Variants in ALG14 observed in about 807,000 individuals in gnomAD.
ALG14 encodes the protein ALG14 UDP-N-acetylglucosaminyltransferase subunit, also known as UDP-N-acetylglucosamine transferase subunit ALG14.
In ALG14, 17 loss-of-function variants were observed where a neutral mutation model predicts 22.8. The observed-to-expected ratio is 0.75, with a 90% CI of 0.51 to 1.12. ALG14 has a LOEUF of 1.12. ALG14 is among the 50% of genes most tolerant of loss of function. The pLI, the probability that ALG14 is intolerant of heterozygous loss-of-function variation, is 0.00. For synonymous variants in ALG14, 89 were observed against 103.7 expected (o/e 0.86, Z 0.86); for missense variants, 288 against 271.8 (o/e 1.06, Z -0.42).
At chr1:95,029,868 C>A (rs1458322164) in intron 2 of ALG14, among the ~76,000 whole-genome samples, 1 of 152,166 alleles carries the variant, frequency 6.6e-6, no homozygotes, top group African/African-American at 2.4e-5. Context: ...TATGTATCCA[C>A]TATTTTTATT....
intron 1 of ALG14, among the ~76,000 whole-genome samples, chr1:95,068,186 T>C (rs1036624537): frequency 1.4e-4 from 21 of 152,220 alleles, no homozygotes; most frequent in African/African-American, 4.3e-4. Flanking sequence ...GGCTGTCCTA[T>C]TGAATGAAAG....
chr1:94,978,928 C>G lies in ALG14; in HGVS notation c.*4148G>C, dbSNP rs1196954271. ...GCCTTGGTTCAAATCTGAGCTTTGT[C>G]ACTTTCTAGTTCTATAATCTTTAAT... On this transcript the variant is annotated 3_prime_UTR_variant, in exon 4 of 4. Coordinates refer to ENST00000370205, the MANE Select transcript of ALG14 (RefSeq NM_144988.4). The G allele has an allele frequency of 6.6e-6, 1 of 150,528 alleles. No individual in the cohort carries two copies. Among genetic ancestry groups the G allele is most frequent in the Non-Finnish European group, 1.5e-5 (1 of 67,876 alleles). 9.3% of individuals were successfully genotyped at this position (150,528 alleles called of 1,614,324 possible). A position where few individuals can be genotyped will look rare whatever the true frequency, so the allele number is the denominator to read the frequency against.
At chr1:95,064,594 C>T (rs1325204103) in intron 2 of ALG14, among the ~76,000 whole-genome samples, 4 of 152,184 alleles carry the variant, frequency 2.6e-5, no homozygotes, top group African/African-American at 4.8e-5. Flanking sequence ...TATTGATTTG[C>T]GTATGTTGAA....
At position 95,064,949 on chromosome 1, in the gene ALG14, C is replaced by T; in HGVS notation, c.205G>A (p.Val69Ile). 6.2e-7 allele frequency: 1 copy of T among 1,613,938 alleles called. No individual in the cohort carries two copies. Among genetic ancestry groups the T allele is most frequent in the East Asian group, 2.2e-5 (1 of 44,878 alleles). ...CTCATTTCATCAGTGTCAGCAATGA[C>T]ATAATGTCTAGGTGAGTAGGCATTG... ...LSNAYSPRHY[V>I]IADTDEMSAN... The change falls in exon 2 of 4, where the codon GTC becomes ATC. Residue 69 changes from valine (V) to isoleucine (I), a missense_variant. Val to Ile is a conservative substitution (Grantham distance 29, BLOSUM62 3). Transcript: ENST00000370205.
rs1553222994 is a variant in ALG14, at chr1:94,979,310, A to AAAAAAAAAAAAAAAAAAAAAG, written c.*3765_*3766insCTTTTTTTTTTTTTTTTTTTT. On this transcript the variant is annotated 3_prime_UTR_variant, in exon 4 of 4. Transcript: ENST00000370205. ...GTCTCGAAAAAAAAAAAAAAAAAAAAAAAAGAAAGAAAAAAGTGAAACAAG... is the reference window on the plus strand; with the variant it reads ...GTCTCGAAAAAAAAAAAAAAAAAAAAAAAAAAAAAAAAAAAAAAAAGAAAAGAAAGAAAAAAGTGAAACAAG... The AAAAAAAAAAAAAAAAAAAAAG allele has an allele frequency of 8.9e-5, 8 of 89,874 alleles. No homozygotes were observed. Among genetic ancestry groups the AAAAAAAAAAAAAAAAAAAAAG allele is most frequent in the African/African-American group, 3.2e-4 (6 of 18,784 alleles). The allele number at this position is 89,874 out of a possible 1,614,324, so 5.6% of individuals were successfully genotyped here. A position where few individuals can be genotyped will look rare whatever the true frequency, so the allele number is the denominator to read the frequency against.
At chr1:94,998,142 G>T (rs1372599608) in intron 3 of ALG14, among the ~76,000 whole-genome samples, 2 of 152,178 alleles carry the variant, frequency 1.3e-5, no homozygotes, top group Non-Finnish European at 2.9e-5. Flanking sequence ...ATAAAATTCT[G>T]TTGGAGAATG....
At chr1:95,060,963 G>A (rs1023584324) in intron 2 of ALG14, among the ~76,000 whole-genome samples, 9 of 151,982 alleles carry the variant, frequency 5.9e-5, no homozygotes, top group African/African-American at 1.9e-4. Context: ...AAATCCAACC[G>A]GTATCCTCAT....
intron 3 of ALG14, among the ~76,000 whole-genome samples, chr1:95,012,072 T>TTTGGCTTGACTCTCATTCTCTC (rs1226368729): frequency 1.3e-5 from 2 of 152,200 alleles, no homozygotes; most frequent in Non-Finnish European, 2.9e-5. Flanking sequence ...GGGTTTCCCC[T>TTTGGCTTGACTCTCATTCTCTC]TTGGCTTGAC....
intron 3 of ALG14, among the ~76,000 whole-genome samples, chr1:94,997,363 C>A (rs1427593886): frequency 6.6e-6 from 1 of 152,170 alleles, no homozygotes; most frequent in Non-Finnish European, 1.5e-5. Context: ...GACAACTTGC[C>A]TGACTAAAAG....
chr1:95,056,621 G>A (rs1674941435), intron 2 of ALG14, among the ~76,000 whole-genome samples: 1 of 151,934 alleles, frequency 6.6e-6, no homozygotes, highest in Non-Finnish European at 1.5e-5. Flanking sequence ...CTCCAGCCTG[G>A]GTGAGAGTGA....
At chr1:95,060,041 C>A (rs1444937619) in intron 2 of ALG14, among the ~76,000 whole-genome samples, 1 of 151,812 alleles carries the variant, frequency 6.6e-6, no homozygotes, top group Non-Finnish European at 1.5e-5. Flanking sequence ...GGAAACCCCC[C>A]CAACCTTAGT....
chr1:95,044,273 G>A (rs1311717187), intron 2 of ALG14, among the ~76,000 whole-genome samples: 4 of 152,138 alleles, frequency 2.6e-5, no homozygotes, highest in African/African-American at 9.7e-5. Context: ...TGCTTTTGGT[G>A]TATTTGTAAC....
Position 94,982,619 on chromosome 1 carries a change from A to G in ALG14, c.*457T>C, listed in dbSNP as rs1672521993. ...ACTGGGGACATCACTGTTTCCATACAGGAAATAAAGCCTTTTGTATCTGAA... is the reference window on the plus strand; with the variant it reads ...ACTGGGGACATCACTGTTTCCATACGGGAAATAAAGCCTTTTGTATCTGAA... On this transcript the variant is annotated 3_prime_UTR_variant, in exon 4 of 4. Coordinates refer to ENST00000370205, the MANE Select transcript of ALG14 (RefSeq NM_144988.4). 1 of 150,532 alleles carries G rather than the reference A, an allele frequency of 6.6e-6. No homozygotes were observed. Among genetic ancestry groups the G allele is most frequent in the African/African-American group, 2.5e-5 (1 of 40,042 alleles). The allele number at this position is 150,532 out of a possible 1,614,324, so 9.3% of individuals were successfully genotyped here.
rs561512206 is a variant in ALG14 at position 94,982,612 on chromosome 1, T to C, written c.*464A>G. On this transcript the variant is annotated 3_prime_UTR_variant, in exon 4 of 4. Coordinates refer to ENST00000370205, the MANE Select transcript of ALG14 (RefSeq NM_144988.4). The stretch of plus-strand genomic sequence containing the variant: ...AGGATTCACTGGGGACATCACTGTT[T>C]CCATACAGGAAATAAAGCCTTTTGT... 7.0e-6 allele frequency: 1 copy of C among 141,988 alleles called. No individual in the cohort carries two copies. Among genetic ancestry groups the C allele is most frequent in the South Asian group, 2.2e-4 (1 of 4,564 alleles). The allele number at this position is 141,988 out of a possible 1,614,324, so 8.8% of individuals were successfully genotyped here.
chr1:95,071,452 G>C (rs1192013688), intron 1 of ALG14, among the ~76,000 whole-genome samples: 2 of 152,156 alleles, frequency 1.3e-5, no homozygotes, highest in Non-Finnish European at 2.9e-5. Context: ...GCTGAGGCAG[G>C]AGAATGGCTT....
At position 95,057,622 on chromosome 1, in the gene ALG14, CTGTG is replaced by C. The variant is rs139544863; in HGVS notation, c.288+7240_288+7243del. Among the ~76,000 whole-genome samples the C allele has an allele frequency of 1.1e-3, 160 of 144,018 alleles. 1 individual carries two copies. Among genetic ancestry groups the C allele is most frequent in the Middle Eastern group, 7.1e-3 (2 of 282 alleles). 94.5% of individuals were successfully genotyped at this position (144,018 alleles called of 152,430 possible). A position where few individuals can be genotyped will look rare whatever the true frequency, so the allele number is the denominator to read the frequency against. On this transcript the variant is annotated intron_variant, in intron 2 of 3. Coordinates refer to ENST00000370205, the MANE Select transcript of ALG14 (RefSeq NM_144988.4). ...TGGTCATTTCTCCTTAGATGACCAT[CTGTG>C]TGTGTGTGTGTGTGTGTGTGTATGT...
intron 2 of ALG14, among the ~76,000 whole-genome samples, chr1:95,040,401 C>T (rs2100795522): frequency 6.6e-6 from 1 of 152,224 alleles, no homozygotes; most frequent in African/African-American, 2.4e-5. Flanking sequence ...AAGGGAGTAT[C>T]CCTCGGCACC....
intron 3 of ALG14, among the ~76,000 whole-genome samples, chr1:95,026,694 C>T (rs1441513372): frequency 5.3e-5 from 8 of 152,048 alleles, no homozygotes; most frequent in South Asian, 2.1e-4. Flanking sequence ...TTTGGGAGGC[C>T]GAGGCGGGCA....
intron 3 of ALG14, among the ~76,000 whole-genome samples, chr1:94,994,104 TC>T (rs1672849505): frequency 1.3e-5 from 2 of 152,244 alleles, no homozygotes; most frequent in African/African-American, 4.8e-5. Context: ...CTGCTTAGCA[TC>T]GTCACTACAG....
Sources: allele counts gnomAD v4.1 joint callset (sites outside exome capture counted in the v4.1 genomes callset), GRCh38; gene constraint gnomAD v4.1.1; transcripts MANE v1.5; gene names NCBI Gene and HGNC (gene_info 2026-07-23, HGNC 2026-07-21).